Variants in INO80D observed in about 807,000 individuals in gnomAD.
INO80D encodes the protein INO80 complex subunit D.
Under a neutral mutation model 87.6 loss-of-function variants are expected in INO80D, and 21 were observed. The ratio of observed to expected loss-of-function variants is 0.24; its 90% confidence interval spans 0.17 to 0.35. The LOEUF (loss-of-function observed/expected upper bound fraction) is 0.35. Among genes scored for constraint, INO80D ranks in the 10% least tolerant of loss-of-function variants. The probability of loss-of-function intolerance (pLI) is 1.00; values close to 1 mark genes in which losing one functional copy is unlikely to be tolerated. For missense variants in INO80D, 982 were observed against 1,280.7 expected, an observed-to-expected ratio of 0.77 and a Z score of 3.56; for synonymous variants, 440 against 491.0, an observed-to-expected ratio of 0.90 and a Z score of 1.37.
At position 206,005,370 on chromosome 2, in the gene INO80D, G is replaced by A; in HGVS notation, c.2082C>T (p.Ser694=). The change falls in exon 11 of 11, where the codon TCC becomes TCT. Residue 694 remains serine (S), a synonymous_variant. Coordinates refer to ENST00000403263, the MANE Select transcript of INO80D (RefSeq NM_017759.5). ...GTATTCCTGAAGCTCCAGTACCTGT[G>A]GAGAACACCCCTATTCCTCTATCTG... ...ELSDRGIGVF[S]TGTGASGIQS... is the part of the protein sequence containing the mutation. The A allele has an allele frequency of 6.2e-7, 1 of 1,613,976 alleles. No homozygotes were observed. The highest frequency in any genetic ancestry group is 1.6e-4 in the Middle Eastern group (1 of 6,062).
At chr2:206,010,477 A>G (rs945471071) in intron 8 of INO80D, among the ~76,000 whole-genome samples, 4 of 152,154 alleles carry the variant, frequency 2.6e-5, no homozygotes, top group Admixed American at 2.6e-4. Context: ...ATTCTAAGTG[A>G]TAAGAAAGTA....
chr2:206,077,037 G>A (rs1390389178), intron 1 of INO80D, among the ~76,000 whole-genome samples: 2 of 152,138 alleles, frequency 1.3e-5, no homozygotes, highest in African/African-American at 4.8e-5. Context: ...ACTTTGGGAG[G>A]CCAAGGCGGG....
chr2:206,017,688 T>C lies in INO80D; in HGVS notation c.1534A>G (p.Lys512Glu). 6.3e-7 allele frequency: 1 copy of C among 1,586,872 alleles called. No homozygotes were observed. Among genetic ancestry groups the C allele is most frequent in the South Asian group, 1.2e-5 (1 of 85,424 alleles). Reference protein sequence around the residue: ...HQTPLCEEHAKKMDNFLRGDN... With the variant: ...HQTPLCEEHAEKMDNFLRGDN... ...TCTGTTGCAGAACTTACCATTTTTT[T>C]GGCATGTTCTTCACACAGAGGTGTC... Residue 512 changes from lysine to glutamate, a missense_variant, in exon 8 of 11, where the codon AAA (lysine) becomes GAA (glutamate). By Grantham distance (56) the Lys-to-Glu change is moderately conservative. Coordinates refer to ENST00000403263, the MANE Select transcript of INO80D (RefSeq NM_017759.5).
At chr2:206,015,385 C>T (rs1688290630) in intron 8 of INO80D, among the ~76,000 whole-genome samples, 1 of 152,134 alleles carries the variant, frequency 6.6e-6, no homozygotes, top group Admixed American at 6.5e-5. Flanking sequence ...CCCAGGGCTC[C>T]CGTGCTCTGT....
intron 8 of INO80D, among the ~76,000 whole-genome samples, chr2:206,013,354 T>C (rs1320216125): frequency 1.3e-5 from 2 of 151,834 alleles, no homozygotes; most frequent in South Asian, 2.1e-4. Context: ...GAGATCGAGA[T>C]CTTCCTGGCT....
chr2:206,052,234 C>A (rs943209252), intron 4 of INO80D, among the ~76,000 whole-genome samples: 2 of 152,180 alleles, frequency 1.3e-5, no homozygotes, highest in Non-Finnish European at 2.9e-5. Flanking sequence ...GTAGCCCAGG[C>A]TGGAGTCCAG....
At chr2:206,023,540 G>A (rs34830905) in intron 6 of INO80D, among the ~76,000 whole-genome samples, 29,072 of 151,508 alleles carry the variant, frequency 0.19, 3,323 homozygotes, top group Non-Finnish European at 0.27. Flanking sequence ...AAAATTAGCC[G>A]GGCATAGTGG....
intron 10 of INO80D, among the ~76,000 whole-genome samples, chr2:206,006,341 GA>G (rs1315246427): frequency 6.6e-6 from 1 of 152,190 alleles, no homozygotes; most frequent in Non-Finnish European, 1.5e-5. Context: ...CACTTCAGTT[GA>G]AGTACAGGGT....
chr2:206,062,749 T>C lies in INO80D; in HGVS notation c.218+50A>G, dbSNP rs777399477. On this transcript the variant is annotated intron_variant, in intron 3 of 10. Coordinates refer to ENST00000403263, the MANE Select transcript of INO80D (RefSeq NM_017759.5). The surrounding 1 kb of genome is among the most constrained non-coding windows in gnomAD (Gnocchi z 4.6). ...AAGAAAAAACAAGAAAAGAAAAAATTCCAAGCCTGTTAATGAAATCAAGGA... is the reference window on the plus strand; with the variant it reads ...AAGAAAAAACAAGAAAAGAAAAAATCCCAAGCCTGTTAATGAAATCAAGGA... 13 of 1,471,996 alleles carry C rather than the reference T, an allele frequency of 8.8e-6. No homozygotes were observed. Among genetic ancestry groups the C allele is most frequent in the Non-Finnish European group, 1.1e-5 (12 of 1,087,972 alleles). 91.2% of individuals were successfully genotyped at this position (1,471,996 alleles called of 1,614,324 possible).
Position 205,999,529 on chromosome 2 carries a change from T to C in INO80D, c.*4839A>G, listed in dbSNP as rs1030127746. The C allele has an allele frequency of 4.0e-5, 6 of 151,846 alleles. No individual in the cohort carries two copies. The East Asian group carries it at 1.2e-3, about 29-fold the overall frequency. 9.4% of individuals were successfully genotyped at this position (151,846 alleles called of 1,614,324 possible). ...AAACGTCACATTTCCTCTTATTAGCTCTGTATCACAGTGCAGAGAAAAACT... is the reference window on the plus strand; with the variant it reads ...AAACGTCACATTTCCTCTTATTAGCCCTGTATCACAGTGCAGAGAAAAACT... On this transcript the variant is annotated 3_prime_UTR_variant, in exon 11 of 11. Transcript: ENST00000403263.
At chr2:206,045,990 A>G (rs145971379) in intron 5 of INO80D, among the ~76,000 whole-genome samples, 1 of 152,306 alleles carries the variant, frequency 6.6e-6, no homozygotes, top group Non-Finnish European at 1.5e-5. Context: ...TATTATAATT[A>G]ATTCCTTTAA....
At chr2:206,054,686 G>C (rs1689467524) in intron 4 of INO80D, among the ~76,000 whole-genome samples, 1 of 151,902 alleles carries the variant, frequency 6.6e-6, no homozygotes, top group East Asian at 1.9e-4. Flanking sequence ...GCTATTTTTT[G>C]CATTTTTAGT....
rs1688053659 is a variant in INO80D, at chr2:206,007,358, T to C, written c.1844A>G (p.Glu615Gly). 2.5e-6 allele frequency: 4 copies of C among 1,613,770 alleles called. No individual in the cohort carries two copies. The Admixed American group carries it at 6.7e-5, about 27-fold the overall frequency. The change falls in exon 10 of 11, where the codon GAA becomes GGA. Residue 615 changes from glutamate to glycine, a missense_variant. Glu to Gly is a moderately conservative substitution (Grantham distance 98). Transcript: ENST00000403263. ...NEITDIPHDL[E>G]LNQEDFSDVL... is the part of the protein sequence containing the mutation. The stretch of plus-strand genomic sequence containing the variant: ...ATCTGAAAAGTCCTCCTGGTTCAAT[T>C]CCAAGTCATGTGGAATGTCAGTGAT...
chr2:206,022,464 C>T lies in INO80D; in HGVS notation c.1299-2619G>A, dbSNP rs76517334. Among the ~76,000 whole-genome samples, 1,202 of 152,190 alleles carry T rather than the reference C, an allele frequency of 7.9e-3. 9 individuals are homozygous for T. Among genetic ancestry groups the T allele is most frequent in the Non-Finnish European group, 0.011 (771 of 67,998 alleles). On this transcript the variant is annotated intron_variant, in intron 6 of 10. Transcript: ENST00000403263. Reference sequence around the variant, plus strand: ...TAAGCCCAACAAACAAAGGGAATTACCAAAACTTTTTCATGTTTTTCATAT... The same window carrying T: ...TAAGCCCAACAAACAAAGGGAATTATCAAAACTTTTTCATGTTTTTCATAT...
At chr2:206,050,790 A>G (rs1173043656) in intron 4 of INO80D, among the ~76,000 whole-genome samples, 3 of 151,860 alleles carry the variant, frequency 2.0e-5, no homozygotes, top group African/African-American at 7.3e-5. Context: ...AACACGGTGA[A>G]ACCCCCGTCT....
chr2:206,024,005 T>C (rs1688537407), intron 6 of INO80D, among the ~76,000 whole-genome samples: 1 of 152,222 alleles, frequency 6.6e-6, no homozygotes, highest in Non-Finnish European at 1.5e-5. Flanking sequence ...TTTTATATCT[T>C]TGACAAGATC....
chr2:206,070,464 T>C (rs1478988333), intron 1 of INO80D, among the ~76,000 whole-genome samples: 1 of 151,932 alleles, frequency 6.6e-6, no homozygotes, highest in African/African-American at 2.4e-5. Context: ...CTCATGCCTG[T>C]AATCCTAGCA....
intron 7 of INO80D, 128 bp from the exon 8 acceptor site, chr2:206,017,941 T>C (rs1336268230): frequency 2.7e-6 from 2 of 748,664 alleles, no homozygotes; most frequent in African/African-American, 3.6e-5. Flanking sequence ...ATATTACCCA[T>C]ATCAGTACTA....
chr2:205,996,829 A>G lies in INO80D; in HGVS notation c.*7539T>C, dbSNP rs1297248347. The stretch of plus-strand genomic sequence containing the variant: ...GGGAGAATTTTTTCTAGCAAATCCC[A>G]TTAACCAGCAACTGAAGGGAGAAAT... On this transcript the variant is annotated 3_prime_UTR_variant, in exon 11 of 11. Coordinates refer to ENST00000403263, the MANE Select transcript of INO80D (RefSeq NM_017759.5). The G allele has an allele frequency of 6.6e-6, 1 of 152,128 alleles. No homozygotes were observed. Among genetic ancestry groups the G allele is most frequent in the African/African-American group, 2.4e-5 (1 of 41,448 alleles). The allele number at this position is 152,128 out of a possible 1,614,324, so 9.4% of individuals were successfully genotyped here. A position where few individuals can be genotyped will look rare whatever the true frequency, so the allele number is the denominator to read the frequency against.
Sources: allele counts gnomAD v4.1 joint callset (sites outside exome capture counted in the v4.1 genomes callset), GRCh38; gene constraint gnomAD v4.1.1; non-coding constraint Gnocchi (gnomAD v3.1); transcripts MANE v1.5; gene names NCBI Gene and HGNC (gene_info 2026-07-23, HGNC 2026-07-21).